The following LIPH variants were observed in gnomAD, a reference collection of about 807,000 sequenced individuals.
LIPH encodes the protein lipase member H.
Under a neutral mutation model 47.6 loss-of-function variants are expected in LIPH, and 32 were observed. The ratio of observed to expected loss-of-function variants is 0.67; its 90% CI spans 0.51 to 0.90. The LOEUF is 0.90. LIPH is among the 40% of genes least tolerant of loss of function. The probability of loss-of-function intolerance (pLI) is 0.00; values close to 1 mark genes in which losing one functional copy is unlikely to be tolerated. For synonymous variants in LIPH, 190 were observed against 195.6 expected, an observed-to-expected ratio of 0.97 and a Z score of 0.24; for missense variants, 497 against 541.4, an observed-to-expected ratio of 0.92 and a Z score of 0.81.
chr3:185,550,632 C>T (rs1343915450), intron 1 of LIPH, among the ~76,000 whole-genome samples: 3 of 152,012 alleles, frequency 2.0e-5, no homozygotes, highest in South Asian at 2.1e-4. Flanking sequence ...TGCAGAGGCA[C>T]GATCTTGGCT....
chr3:185,538,830 T>C (rs1720597136), intron 1 of LIPH, among the ~76,000 whole-genome samples: 1 of 40,392 alleles, frequency 2.5e-5, no homozygotes, highest in Non-Finnish European at 5.8e-5. Context: ...CACATATACA[T>C]ATATACATAT....
rs890532155 is a variant in LIPH at position 185,527,680 on chromosome 3, C to T, written c.527-95G>A. On this transcript the variant is annotated intron_variant, in intron 3 of 9. Transcript: ENST00000296252. ...CTGGATGAGGGTGGCTCCCAGGCTG[C>T]AGGGCACCCTCAGGTGGGTGAGCGC... is the stretch of plus-strand genomic sequence containing the variant. 31 of 801,736 alleles carry T rather than the reference C, an allele frequency of 3.9e-5. No homozygotes were observed. In the Admixed American group the frequency reaches 6.0e-4, roughly 16 times the overall value. 49.7% of individuals were successfully genotyped at this position (801,736 alleles called of 1,614,324 possible).
intron 9 of LIPH, among the ~76,000 whole-genome samples, chr3:185,509,946 CTTTTT>C (rs66966684): frequency 8.4e-6 from 1 of 118,442 alleles, no homozygotes. Context: ...TTTTTGTTTT[CTTTTT>C]TTTTTTTTTT....
At chr3:185,511,463 G>A in intron 9 of LIPH, 61 bp downstream of exon 9, 12 of 1,466,546 alleles carry the variant, frequency 8.2e-6, no homozygotes, top group Non-Finnish European at 1.1e-5. Flanking sequence ...CAAGCAGATT[G>A]GACAGGATCC....
Position 185,544,344 on chromosome 3 carries a change from T to TTTTGTTTTGTTTTGTTTTGTTTTG in LIPH, c.49+8078_49+8079insCAAAACAAAACAAAACAAAACAAA, listed in dbSNP as rs1553826310. Among the ~76,000 whole-genome samples, 608 of 151,820 alleles carry TTTTGTTTTGTTTTGTTTTGTTTTG rather than the reference T, an allele frequency of 4.0e-3. 5 individuals are homozygous for TTTTGTTTTGTTTTGTTTTGTTTTG. Among genetic ancestry groups the TTTTGTTTTGTTTTGTTTTGTTTTG allele is most frequent in the East Asian group, 0.016 (85 of 5,166 alleles). On this transcript the variant is annotated intron_variant, in intron 1 of 9. Coordinates refer to ENST00000296252, the MANE Select transcript of LIPH (RefSeq NM_139248.3). ...ATGGAGAATTTTCCTCTGTTGTTTT[T>TTTTGTTTTGTTTTGTTTTGTTTTG]TTTTGTTTTGTTTTGTTTTGTTTTT...
chr3:185,522,080 T>A (rs1719911207), intron 5 of LIPH, among the ~76,000 whole-genome samples: 1 of 152,138 alleles, frequency 6.6e-6, no homozygotes, highest in Non-Finnish European at 1.5e-5. Context: ...CCCTGTTGAC[T>A]TCAGTAAGGA....
chr3:185,512,393 G>A (rs1378763453), intron 8 of LIPH, among the ~76,000 whole-genome samples: 1 of 152,052 alleles, frequency 6.6e-6, no homozygotes, highest in Non-Finnish European at 1.5e-5. Flanking sequence ...CATATCACTG[G>A]AGAGGTTCAG....
chr3:185,527,719 C>A, intron 3 of LIPH, 134 bp from the exon 4 acceptor site: 1 of 687,930 alleles, frequency 1.5e-6, no homozygotes, highest in Non-Finnish European at 2.7e-6. Context: ...CACTCCCGTC[C>A]CACTTGGCCA....
chr3:185,551,239 T>A (rs1483074608), intron 1 of LIPH, among the ~76,000 whole-genome samples: 1 of 152,208 alleles, frequency 6.6e-6, no homozygotes, highest in East Asian at 1.9e-4. Context: ...AAAAATATCA[T>A]CATTGGTATG....
chr3:185,544,087 G>A (rs1720795420), intron 1 of LIPH, among the ~76,000 whole-genome samples: 1 of 152,006 alleles, frequency 6.6e-6, no homozygotes, highest in Non-Finnish European at 1.5e-5. Context: ...CTGACCTCAG[G>A]TAATCCACCT....
intron 3 of LIPH, among the ~76,000 whole-genome samples, chr3:185,528,351 A>AAAGAAAGAAAGAAAGAAAGC (rs1252912170): frequency 2.6e-5 from 4 of 151,880 alleles, no homozygotes; most frequent in South Asian, 2.1e-4. Flanking sequence ...AGAAAGAAAG[A>AAAGAAAGAAAGAAAGAAAGC]AAGAAAGCGC....
chr3:185,533,277 G>T (rs939713320), intron 3 of LIPH, among the ~76,000 whole-genome samples: 2 of 152,124 alleles, frequency 1.3e-5, no homozygotes, highest in African/African-American at 4.8e-5. Context: ...ACTGTTTGCG[G>T]CACACAGATT....
chr3:185,540,649 C>T (rs575903811), intron 1 of LIPH, among the ~76,000 whole-genome samples: 54 of 141,776 alleles, frequency 3.8e-4, no homozygotes, highest in Non-Finnish European at 1.5e-4. Context: ...ACCAGGGAGG[C>T]GGAGGTTGCA....
chr3:185,538,233 A>G (rs1251343786), intron 1 of LIPH, among the ~76,000 whole-genome samples: 1 of 152,218 alleles, frequency 6.6e-6, no homozygotes, highest in Non-Finnish European at 1.5e-5. Flanking sequence ...AAAGCTTTAC[A>G]TATATTATCT....
chr3:185,527,570 C>T lies in LIPH; in HGVS notation c.542G>A (p.Gly181Asp), dbSNP rs1185160123. ...LGRITGLDPA[G>D]PLFNGKPHQD... is the part of the protein sequence containing the mutation. ...GTGAGGTTTCCCGTTGAATAAAGGG[C>T]CTGCAGGGTCGAGGCCTGGAAGGAA... is the stretch of plus-strand genomic sequence containing the variant. Residue 181 changes from glycine to aspartate, a missense_variant, in exon 4 of 10, where the codon GGC becomes GAC. Transcript: ENST00000296252. The T allele has an allele frequency of 6.2e-7, 1 of 1,611,280 alleles. No homozygotes were observed. Among genetic ancestry groups the T allele is most frequent in the South Asian group, 1.1e-5 (1 of 90,686 alleles).
At chr3:185,529,943 AAAG>A (rs1293540009) in intron 3 of LIPH, among the ~76,000 whole-genome samples, 4 of 52,906 alleles carry the variant, frequency 7.6e-5, no homozygotes, top group Non-Finnish European at 1.4e-4. Context: ...AGAAAGAAAG[AAAG>A]AAAGAAAGAA....
At chr3:185,551,848 A>T (rs1374572500) in intron 1 of LIPH, among the ~76,000 whole-genome samples, 1 of 152,086 alleles carries the variant, frequency 6.6e-6, no homozygotes, top group African/African-American at 2.4e-5. Context: ...TTGTTACATT[A>T]TCTGGTACAT....
intron 1 of LIPH, among the ~76,000 whole-genome samples, chr3:185,535,651 G>A (rs189822810): frequency 9.2e-5 from 14 of 152,096 alleles, no homozygotes; most frequent in South Asian, 2.1e-4. Context: ...CGCCCAGGCC[G>A]GAGTGCAGTG....
rs1236937321 is a variant in LIPH, at chr3:185,545,331, A to T, written c.49+7092T>A. ...GTATTCCCTTCTATCTCTTAAAAGA[A>T]AAGAAACATATCCAAGTAGGATACC... On this transcript the variant is annotated intron_variant, in intron 1 of 9. Transcript: ENST00000296252. Among the ~76,000 whole-genome samples, 4 of 152,236 alleles carry T rather than the reference A, an allele frequency of 2.6e-5. No individual in the cohort carries two copies. The East Asian group carries it at 5.8e-4, about 22-fold the overall frequency.
Sources: allele counts gnomAD v4.1 joint callset (sites outside exome capture counted in the v4.1 genomes callset), GRCh38; gene constraint gnomAD v4.1.1; transcripts MANE v1.5; gene names NCBI Gene and HGNC (gene_info 2026-07-23, HGNC 2026-07-21).